PYROXD1: variants seen among roughly 807,000 people sequenced by gnomAD.
The protein encoded by PYROXD1 is tRNA ligase complex-associated NAD(P)H dehydrogenase PYROXD1.
In PYROXD1, 42 loss-of-function variants were observed where a neutral mutation model predicts 62.0. The observed-to-expected ratio is 0.68, with a 90% CI of 0.53 to 0.88. The LOEUF is 0.88. Ranked by LOEUF, PYROXD1 falls within the 40% of genes least tolerant of loss-of-function variation. PYROXD1 has a pLI of 0.00. For synonymous variants in PYROXD1, 170 were observed against 206.4 expected (o/e 0.82, Z 1.51); for missense variants, 493 against 604.8 (o/e 0.82, Z 1.94).
chr12:21,469,222 TTTTTGTTGAA>T lies in PYROXD1; in HGVS notation c.*471_*480del, dbSNP rs1942864958. The T allele has an allele frequency of 1.9e-5, 3 of 157,592 alleles. No homozygotes were observed. The highest frequency in any genetic ancestry group is 4.2e-5 in the Non-Finnish European group (3 of 71,648). 9.8% of individuals were successfully genotyped at this position (157,592 alleles called of 1,614,324 possible). A position where few individuals can be genotyped will look rare whatever the true frequency, so the allele number is the denominator to read the frequency against. On this transcript the variant is annotated 3_prime_UTR_variant, in exon 12 of 12. Coordinates refer to ENST00000240651, the MANE Select transcript of PYROXD1 (RefSeq NM_024854.5). ...ATATTTATATTGATGACTTACTCCTTTTTTGTTGAATTGTACTTCTGGTTTTATAACCTGA... is the reference window on the plus strand; with the variant it reads ...ATATTTATATTGATGACTTACTCCTTTTGTACTTCTGGTTTTATAACCTGA...
At chr12:21,452,035 GC>G in intron 4 of PYROXD1, 45 bp from the exon 5 acceptor site, 2 of 1,096,140 alleles carry the variant, frequency 1.8e-6, no homozygotes, top group Non-Finnish European at 2.7e-6. Flanking sequence ...TCAGATTATT[GC>G]CCACTATTAC....
At chr12:21,445,850 A>T (rs900527738) in intron 3 of PYROXD1, among the ~76,000 whole-genome samples, 3 of 152,166 alleles carry the variant, frequency 2.0e-5, no homozygotes, top group African/African-American at 7.2e-5. Context: ...ACAGTCACTG[A>T]AATACTATCA....
intron 1 of PYROXD1, among the ~76,000 whole-genome samples, chr12:21,439,611 A>G (rs1006109250): frequency 2.0e-5 from 3 of 152,134 alleles, no homozygotes; most frequent in Non-Finnish European, 4.4e-5. Flanking sequence ...CCATTAAAAA[A>G]AAAATAAATA....
At chr12:21,457,264 G>T (rs1207340171) in intron 7 of PYROXD1, among the ~76,000 whole-genome samples, 1 of 152,118 alleles carries the variant, frequency 6.6e-6, no homozygotes, top group Non-Finnish European at 1.5e-5. Context: ...CTTATGAAAT[G>T]CATTTCTTTA....
Position 21,469,803 on chromosome 12 carries a change from C to T in PYROXD1, c.*1049C>T, listed in dbSNP as rs1434085379. 6.1e-6 allele frequency: 1 copy of T among 162,996 alleles called. No homozygotes were observed. The highest frequency in any genetic ancestry group is 2.4e-5 in the African/African-American group (1 of 41,230). The allele number at this position is 162,996 out of a possible 1,614,324, so 10.1% of individuals were successfully genotyped here. A position where few individuals can be genotyped will look rare whatever the true frequency, so the allele number is the denominator to read the frequency against. Reference sequence around the variant, plus strand: ...CAAAAGATTGGACATCCTTGATCTACATATTTAACTTAAAGTATCACTCAG... The same window carrying T: ...CAAAAGATTGGACATCCTTGATCTATATATTTAACTTAAAGTATCACTCAG... On this transcript the variant is annotated 3_prime_UTR_variant, in exon 12 of 12. Transcript: ENST00000240651.
chr12:21,457,841 C>CAGTCACCTCCCACCAGGCCGTACCTCA (rs1942627580), intron 7 of PYROXD1, among the ~76,000 whole-genome samples: 1 of 152,204 alleles, frequency 6.6e-6, no homozygotes. Context: ...GCCGTACCTC[C>CAGTCACCTCCCACCAGGCCGTACCTCA]AACATTGGGG....
chr12:21,449,740 A>G lies in PYROXD1; in HGVS notation c.414+49A>G, dbSNP rs775075507. 5 of 1,522,522 alleles carry G rather than the reference A, an allele frequency of 3.3e-6. No homozygotes were observed. The Admixed American group carries it at 8.0e-5, about 24-fold the overall frequency. 94.3% of individuals were successfully genotyped at this position (1,522,522 alleles called of 1,614,324 possible). ...GAGAAGGAAAATAAAAGAATTTTCT[A>G]CATTTGAATTAAAGTGTTCCACTTA... On this transcript the variant is annotated intron_variant, in intron 4 of 11. Transcript: ENST00000240651.
In PYROXD1 at chr12:21,469,561, A is replaced by C. The variant is rs534231933; in HGVS notation, c.*807A>C. ...TAATATTGCTTTCAAAAAGATGGTT[A>C]TGTCAAAAGAAAAAATATAGCTAAG... is the stretch of plus-strand genomic sequence containing the variant. On this transcript the variant is annotated 3_prime_UTR_variant, in exon 12 of 12. Transcript: ENST00000240651. 28 of 152,066 alleles carry C rather than the reference A, an allele frequency of 1.8e-4. No individual in the cohort carries two copies. The highest frequency in any genetic ancestry group is 6.5e-4 in the African/African-American group (27 of 41,440). The allele number at this position is 152,066 out of a possible 1,614,324, so 9.4% of individuals were successfully genotyped here.
At chr12:21,454,133 A>T (rs879630714) in intron 5 of PYROXD1, among the ~76,000 whole-genome samples, 2 of 152,006 alleles carry the variant, frequency 1.3e-5, no homozygotes, top group Non-Finnish European at 2.9e-5. Flanking sequence ...ATTCAGATGT[A>T]CTAAACCTTT....
Position 21,445,472 on chromosome 12 carries a change from A to G in PYROXD1, c.285+6A>G, listed in dbSNP as rs769929288. ...AACTGAAGAGTGAAGAACACGTAAG[A>G]TAATTGTTTTCTTAATAACATTTTC... On this transcript the variant is annotated splice_donor_region_variant and intron_variant, in intron 3 of 11. Coordinates refer to ENST00000240651, the MANE Select transcript of PYROXD1 (RefSeq NM_024854.5). 1.3e-6 allele frequency: 2 copies of G among 1,580,436 alleles called. No individual in the cohort carries two copies. Among genetic ancestry groups the G allele is most frequent in the African/African-American group, 2.7e-5 (2 of 73,080 alleles).
At chr12:21,458,391 A>T (rs954354326) in intron 7 of PYROXD1, among the ~76,000 whole-genome samples, 17 of 152,252 alleles carry the variant, frequency 1.1e-4, no homozygotes, top group African/African-American at 3.9e-4. Context: ...CACCACTAAA[A>T]CTTTCTCCAT....
chr12:21,471,015 T>C lies in PYROXD1; in HGVS notation c.*2261T>C. On this transcript the variant is annotated 3_prime_UTR_variant, in exon 12 of 12. Coordinates refer to ENST00000240651, the MANE Select transcript of PYROXD1 (RefSeq NM_024854.5). ...CTTTGTCACTTGCATAGTAATAGCA[T>C]GTGCCTCATTGTTCAGAAGATTAGC... The C allele has an allele frequency of 6.3e-7, 1 of 1,596,668 alleles. No individual in the cohort carries two copies. The highest frequency in any genetic ancestry group is 8.5e-7 in the Non-Finnish European group (1 of 1,173,316).
rs375464832 is a variant in PYROXD1 at position 21,462,758 on chromosome 12, G to A, written c.1012G>A (p.Gly338Ser). ...TGTTTAGTTTGATCTAGGAGAAGAT[G>A]GTGGCCTGAAAGTGGATGATCATAT... ...HGNSFDLGEDGGLKVDDHMHT... is the reference protein window; with the variant it reads ...HGNSFDLGEDSGLKVDDHMHT... The change falls in exon 10 of 12, where the codon GGT (glycine) becomes AGT (serine). Residue 338 changes from glycine to serine, a missense_variant. By Grantham distance (56) the Gly-to-Ser change is moderately conservative. Coordinates refer to ENST00000240651, the MANE Select transcript of PYROXD1 (RefSeq NM_024854.5). 4 of 1,613,688 alleles carry A rather than the reference G, an allele frequency of 2.5e-6. No homozygotes were observed. Among genetic ancestry groups the A allele is most frequent in the African/African-American group, 2.7e-5 (2 of 74,912 alleles).
At chr12:21,446,178 C>T (rs1301978792) in intron 3 of PYROXD1, among the ~76,000 whole-genome samples, 3 of 152,148 alleles carry the variant, frequency 2.0e-5, no homozygotes, top group Non-Finnish European at 2.9e-5. Context: ...AATCCCAGCA[C>T]TTTGGGAGGC....
At chr12:21,462,993 A>G (rs2014944579) in intron 10 of PYROXD1, 131 bp downstream of exon 10, 2 of 721,216 alleles carry the variant, frequency 2.8e-6, no homozygotes, top group Non-Finnish European at 4.2e-6. Flanking sequence ...CAGTTGTTAT[A>G]TATATTTAAA....
intron 4 of PYROXD1, among the ~76,000 whole-genome samples, chr12:21,451,584 A>G (rs10841815): frequency 0.49 from 74,997 of 151,782 alleles, 18,581 homozygotes; most frequent in Middle Eastern, 0.59. Context: ...AGGACCTGAG[A>G]TGCAGATAGG....
At position 21,469,467 on chromosome 12, in the gene PYROXD1, G is replaced by A. The variant is rs1332586251; in HGVS notation, c.*713G>A. 2 of 150,922 alleles carry A rather than the reference G, an allele frequency of 1.3e-5. No individual in the cohort carries two copies. Among genetic ancestry groups the A allele is most frequent in the Admixed American group, 6.6e-5 (1 of 15,042 alleles). The allele number at this position is 150,922 out of a possible 1,614,324, so 9.3% of individuals were successfully genotyped here. On this transcript the variant is annotated 3_prime_UTR_variant, in exon 12 of 12. Coordinates refer to ENST00000240651, the MANE Select transcript of PYROXD1 (RefSeq NM_024854.5). ...TCTTCTTCCAATGTGGCTCAGGGAA[G>A]CCAAAAGATTGGACATCCCTGATCT...
chr12:21,461,956 G>T, intron 8 of PYROXD1, 52 bp from the exon 9 acceptor site: 1 of 1,084,030 alleles, frequency 9.2e-7, no homozygotes, highest in Non-Finnish European at 1.4e-6. Flanking sequence ...CTGCTGTGGT[G>T]ATGGTTCCAT....
At chr12:21,447,233 A>G (rs1942406800) in intron 3 of PYROXD1, among the ~76,000 whole-genome samples, 1 of 152,212 alleles carries the variant, frequency 6.6e-6, no homozygotes, top group Non-Finnish European at 1.5e-5. Flanking sequence ...TTAGGGATAA[A>G]ACACATATAT....
Sources: allele counts gnomAD v4.1 joint callset (sites outside exome capture counted in the v4.1 genomes callset), GRCh38; gene constraint gnomAD v4.1.1; transcripts MANE v1.5; gene names NCBI Gene and HGNC (gene_info 2026-07-23, HGNC 2026-07-21).